Variants in CDKL3 observed in about 807,000 individuals in gnomAD.
CDKL3 encodes the protein cyclin dependent kinase like 3.
A neutral mutation model predicts 69.3 loss-of-function variants in CDKL3; 65 were observed. That is an observed-to-expected ratio of 0.94 (90% confidence interval 0.77 to 1.15). The LOEUF is 1.15. CDKL3 is among the 50% of genes most tolerant of loss of function. The pLI is 0.00. For synonymous variants in CDKL3, 202 were observed against 221.6 expected, an observed-to-expected ratio of 0.91 and a Z score of 0.79; for missense variants, 652 against 689.2, an observed-to-expected ratio of 0.95 and a Z score of 0.61.
intron 2 of CDKL3, among the ~76,000 whole-genome samples, chr5:134,361,855 G>A (rs187348721): frequency 2.1e-3 from 326 of 152,360 alleles, no homozygotes; most frequent in African/African-American, 7.4e-3. Context: ...AGTGAGCCGA[G>A]ATTGTGCCAT....
chr5:134,314,597 C>A (rs1770507106), intron 6 of CDKL3, among the ~76,000 whole-genome samples: 2 of 152,132 alleles, frequency 1.3e-5, no homozygotes. Flanking sequence ...GTGGTATAGT[C>A]ATATAATGAA....
intron 4 of CDKL3, among the ~76,000 whole-genome samples, chr5:134,326,779 A>G: frequency 6.8e-6 from 1 of 146,562 alleles, no homozygotes; most frequent in Non-Finnish European, 1.5e-5. Flanking sequence ...TTTAAACACA[A>G]ATACTTAAAG....
intron 6 of CDKL3, among the ~76,000 whole-genome samples, chr5:134,318,466 A>G (rs1485370679): frequency 6.6e-6 from 1 of 151,912 alleles, no homozygotes; most frequent in Non-Finnish European, 1.5e-5. Context: ...GTAAGTCCTT[A>G]GAATTTCTCC....
chr5:134,355,813 C>T (rs1754463075), intron 3 of CDKL3, among the ~76,000 whole-genome samples: 1 of 152,150 alleles, frequency 6.6e-6, no homozygotes, highest in Non-Finnish European at 1.5e-5. Context: ...TAAGCCGCTC[C>T]ATACTAAGCT....
chr5:134,349,731 G>A (rs1028276089), intron 4 of CDKL3, among the ~76,000 whole-genome samples: 8 of 152,192 alleles, frequency 5.3e-5, no homozygotes, highest in African/African-American at 1.9e-4. Context: ...TGTGAGAGCT[G>A]AGTGAGCGTA....
chr5:134,367,805 A>G (rs1026147216), upstream of CDKL3, among the ~76,000 whole-genome samples: 7 of 152,382 alleles, frequency 4.6e-5, no homozygotes, highest in Non-Finnish European at 8.8e-5. Context: ...GAAAGCAAGT[A>G]ATTCGAAGAG....
chr5:134,347,448 C>T (rs75140086), intron 4 of CDKL3, among the ~76,000 whole-genome samples: 1,594 of 152,068 alleles, frequency 0.01, 18 homozygotes, highest in Non-Finnish European at 0.013. Context: ...ACAAGTTACA[C>T]GGACACCCAT....
upstream of CDKL3, chr5:134,371,096 G>A (rs541834010): frequency 4.4e-6 from 1 of 228,352 alleles, no homozygotes; most frequent in Non-Finnish European, 8.8e-6. Context: ...TCCCACTCAG[G>A]GGTGGATTGT....
chr5:134,329,269 T>C (rs1004136797), intron 4 of CDKL3, among the ~76,000 whole-genome samples: 3 of 152,144 alleles, frequency 2.0e-5, no homozygotes, highest in African/African-American at 4.8e-5. Context: ...GCCCAGAAGG[T>C]TGAGGCTGCA....
At chr5:134,321,941 G>A in intron 4 of CDKL3, 38 bp from the exon 5 acceptor site, 2 of 1,071,804 alleles carry the variant, frequency 1.9e-6, no homozygotes, top group Non-Finnish European at 1.4e-6. Flanking sequence ...ACTTTTTCAT[G>A]TAGAAATTTA....
At chr5:134,301,177 T>C (rs1203305305) in intron 12 of CDKL3, among the ~76,000 whole-genome samples, 9 of 152,220 alleles carry the variant, frequency 5.9e-5, no homozygotes, top group South Asian at 4.1e-4. Flanking sequence ...TTTGTATTTT[T>C]AGTAGAGAAG....
chr5:134,348,399 G>T (rs1006394666), intron 4 of CDKL3, among the ~76,000 whole-genome samples: 2 of 152,152 alleles, frequency 1.3e-5, no homozygotes, highest in African/African-American at 4.8e-5. Flanking sequence ...GAGATATTCT[G>T]TGTCTGTGTT....
intron 10 of CDKL3, among the ~76,000 whole-genome samples, chr5:134,306,379 C>A (rs1767830555): frequency 6.6e-6 from 1 of 152,024 alleles, no homozygotes; most frequent in South Asian, 2.1e-4. Flanking sequence ...TGCCTGAAGT[C>A]TCAGCTACTT....
upstream of CDKL3, chr5:134,371,472 CTCGGCG>C (rs1758398402): frequency 3.4e-6 from 4 of 1,165,494 alleles, no homozygotes; most frequent in East Asian, 8.1e-5. Flanking sequence ...GTTTGTCAGT[CTCGGCG>C]GCGGCGGCGG....
intron 4 of CDKL3, among the ~76,000 whole-genome samples, chr5:134,334,026 G>C (rs1318678327): frequency 6.6e-6 from 1 of 152,000 alleles, no homozygotes; most frequent in East Asian, 1.9e-4. Context: ...ACATCTTCCT[G>C]GTTTAGTCTT....
intron 4 of CDKL3, among the ~76,000 whole-genome samples, chr5:134,343,712 C>G (rs1751110880): frequency 6.6e-6 from 1 of 152,126 alleles, no homozygotes; most frequent in Admixed American, 6.6e-5. Flanking sequence ...CCGCCCCAGA[C>G]CCAGGAAGTG....
chr5:134,322,029 T>C (rs1293738795), intron 4 of CDKL3, 126 bp from the exon 5 acceptor site: 1 of 641,656 alleles, frequency 1.6e-6, no homozygotes, highest in Non-Finnish European at 2.7e-6. Context: ...TTTTGTTTTG[T>C]TTTTTTTCGA....
upstream of CDKL3, among the ~76,000 whole-genome samples, chr5:134,368,638 AAAAG>A (rs1219776712): frequency 6.6e-6 from 1 of 151,664 alleles, no homozygotes; most frequent in African/African-American, 2.4e-5. Context: ...AAAAAAAAAA[AAAAG>A]AAAGTTATTC....
At chr5:134,363,950 C>A (rs2149665181) in intron 2 of CDKL3, among the ~76,000 whole-genome samples, 1 of 130,134 alleles carries the variant, frequency 7.7e-6, no homozygotes, top group Non-Finnish European at 1.6e-5. Context: ...AGGGAGACTC[C>A]ATTTCTTAAA....
Sources: allele counts gnomAD v4.1 joint callset (sites outside exome capture counted in the v4.1 genomes callset), GRCh38; gene constraint gnomAD v4.1.1; transcripts MANE v1.5; gene names NCBI Gene and HGNC (gene_info 2026-07-23, HGNC 2026-07-21).